The following WSCD2 variants were observed in gnomAD, a reference collection of about 807,000 sequenced individuals.
WSCD2 encodes the protein sialate:O-sulfotransferase 2.
WSCD2 carries 28 observed loss-of-function variants against 55.7 expected under a neutral mutation model. The observed-to-expected ratio is 0.50, with a 90% confidence interval of 0.37 to 0.69. The LOEUF (loss-of-function observed/expected upper bound fraction) is 0.69, where lower values mean the gene tolerates loss of function less well. Ranked by LOEUF, WSCD2 falls within the 30% of genes least tolerant of loss-of-function variation. The pLI is 0.00. For missense variants in WSCD2, 616 were observed against 762.1 expected, an observed-to-expected ratio of 0.81 and a Z score of 2.26; for synonymous variants, 301 against 301.9, an observed-to-expected ratio of 1.00 and a Z score of 0.03.
chr12:108,170,662 T>C (rs1181077196), intron 1 of WSCD2, among the ~76,000 whole-genome samples: 1 of 152,188 alleles, frequency 6.6e-6, no homozygotes. Context: ...AAATAGCAGT[T>C]CTGGGTAACA....
At position 108,248,134 on chromosome 12, in the gene WSCD2, C is replaced by T; in HGVS notation, c.1489C>T (p.Leu497=). Residue 497 remains leucine (L), a synonymous_variant, in exon 9 of 9, where the codon CTG becomes TTG. Transcript: ENST00000547525. This position sits in a 1 kb window ranked among gnomAD's most constrained non-coding sequence, Gnocchi z 4.3. ...LFVQLGRMVS[L]LGVAVREDRL... Reference sequence around the variant, plus strand: ...TGTCCAGCTGGGCCGGATGGTCAGCCTGCTGGGCGTGGCTGTCAGGGAGGA... The same window carrying T: ...TGTCCAGCTGGGCCGGATGGTCAGCTTGCTGGGCGTGGCTGTCAGGGAGGA... 1 of 1,614,220 alleles carries T rather than the reference C, an allele frequency of 6.2e-7. No individual in the cohort carries two copies. The highest frequency in any genetic ancestry group is 1.1e-5 in the South Asian group (1 of 91,082).
At chr12:108,174,346 C>A (rs963522576) in intron 1 of WSCD2, among the ~76,000 whole-genome samples, 9 of 152,178 alleles carry the variant, frequency 5.9e-5, no homozygotes, top group African/African-American at 2.2e-4. Flanking sequence ...CATTTCCAGG[C>A]TTAAATCCCA....
At chr12:108,157,430 G>A (rs913223109) in intron 1 of WSCD2, among the ~76,000 whole-genome samples, 6 of 152,120 alleles carry the variant, frequency 3.9e-5, no homozygotes, top group Non-Finnish European at 8.8e-5. Flanking sequence ...CCATTACAGT[G>A]TCCTACAGAA....
intron 7 of WSCD2, among the ~76,000 whole-genome samples, chr12:108,239,825 C>T (rs566597704): frequency 2.0e-5 from 3 of 152,188 alleles, no homozygotes; most frequent in East Asian, 1.9e-4. Context: ...GCAATCCTCC[C>T]GCTTCAGCCC....
At chr12:108,141,700 G>A (rs1035821160) in intron 1 of WSCD2, among the ~76,000 whole-genome samples, 1 of 152,132 alleles carries the variant, frequency 6.6e-6, no homozygotes, top group Non-Finnish European at 1.5e-5. Context: ...AGTCACATCT[G>A]CAAAGTTTCT....
At chr12:108,247,086 A>AAACTTAGT (rs1416257205) in intron 8 of WSCD2, among the ~76,000 whole-genome samples, 4 of 152,184 alleles carry the variant, frequency 2.6e-5, no homozygotes, top group Non-Finnish European at 5.9e-5. Flanking sequence ...CTACACAGAA[A>AAACTTAGT]AACTTAGTAC....
intron 6 of WSCD2, 148 bp from the exon 7 acceptor site, chr12:108,232,583 A>G (rs1037566792): frequency 2.7e-5 from 19 of 704,550 alleles, no homozygotes; most frequent in Middle Eastern, 3.8e-4. Flanking sequence ...CTGAGGCCCA[A>G]GGAAGCTTTC....
chr12:108,183,271 C>G (rs925522014), intron 1 of WSCD2, among the ~76,000 whole-genome samples: 9 of 152,202 alleles, frequency 5.9e-5, no homozygotes, highest in Admixed American at 2.0e-4. Context: ...CCAAGACTAA[C>G]CATGTATCTC....
intron 1 of WSCD2, among the ~76,000 whole-genome samples, chr12:108,172,244 C>T (rs916444990): frequency 7.9e-5 from 12 of 152,156 alleles, no homozygotes; most frequent in Non-Finnish European, 1.3e-4. Context: ...CTAGGTCCTG[C>T]CAGGGTCTGT....
intron 3 of WSCD2, among the ~76,000 whole-genome samples, chr12:108,208,796 T>C (rs1426357): frequency 0.75 from 114,397 of 152,148 alleles, 43,231 homozygotes; most frequent in East Asian, 0.87. Context: ...ACATTCATTC[T>C]ATGAATGTGT....
intron 1 of WSCD2, among the ~76,000 whole-genome samples, chr12:108,173,810 C>CTCTCTGTGTGTGTGTGTGTGTG (rs376999073): frequency 2.3e-4 from 30 of 131,232 alleles, no homozygotes; most frequent in African/African-American, 8.2e-4. Context: ...TCCTGGCTCT[C>CTCTCTGTGTGTGTGTGTGTGTG]TGTGTGTGTG....
At chr12:108,232,026 G>A (rs2137192861) in intron 6 of WSCD2, among the ~76,000 whole-genome samples, 1 of 152,306 alleles carries the variant, frequency 6.6e-6, no homozygotes, top group Middle Eastern at 3.4e-3. Context: ...AGAGGGAACA[G>A]CATGCATGAA....
intron 4 of WSCD2, among the ~76,000 whole-genome samples, chr12:108,214,191 C>T (rs920578731): frequency 3.9e-5 from 6 of 152,174 alleles, no homozygotes; most frequent in Non-Finnish European, 7.3e-5. Flanking sequence ...AACACTGTGT[C>T]CTAATTGTGT....
chr12:108,247,221 G>A (rs140756656), intron 8 of WSCD2, among the ~76,000 whole-genome samples: 103 of 151,956 alleles, frequency 6.8e-4, no homozygotes, highest in Non-Finnish European at 1.1e-3. Flanking sequence ...TCTGTTAAAT[G>A]GAGATAATGG....
chr12:108,201,460 G>A lies in WSCD2; in HGVS notation c.383-4829G>A, dbSNP rs189668218. ...TGCCATGACCCTATTTCCAAATAAG[G>A]CCACATTCTAAGGAATTGGAAGTCA... On this transcript the variant is annotated intron_variant, in intron 2 of 8. Coordinates refer to ENST00000547525, the MANE Select transcript of WSCD2 (RefSeq NM_014653.4). 7.8e-5 allele frequency among the ~76,000 whole-genome samples: 11 copies of A among 140,780 alleles called. No homozygotes were observed. The East Asian group carries it at 2.6e-3, about 33-fold the overall frequency. The allele number at this position is 140,780 out of a possible 152,430, so 92.4% of individuals were successfully genotyped here.
chr12:108,190,180 C>T (rs1410222869), intron 1 of WSCD2, among the ~76,000 whole-genome samples: 1 of 152,200 alleles, frequency 6.6e-6, no homozygotes, highest in Non-Finnish European at 1.5e-5. Context: ...AATAAGATGA[C>T]TGGCATATAG....
intron 7 of WSCD2, among the ~76,000 whole-genome samples, chr12:108,236,565 T>C (rs942458224): frequency 4.0e-5 from 6 of 149,150 alleles, no homozygotes; most frequent in African/African-American, 1.5e-4. Context: ...TCTGGCGCTC[T>C]TTCTCTCTCT....
chr12:108,213,540 G>A (rs997001187), intron 4 of WSCD2, among the ~76,000 whole-genome samples: 1 of 152,172 alleles, frequency 6.6e-6, no homozygotes, highest in African/African-American at 2.4e-5. Flanking sequence ...CACTGGGGGA[G>A]GCTCCACAAA....
chr12:108,213,688 C>T (rs1886494849), intron 4 of WSCD2, among the ~76,000 whole-genome samples: 1 of 152,120 alleles, frequency 6.6e-6, no homozygotes, highest in African/African-American at 2.4e-5. Flanking sequence ...TAAAAGAGTG[C>T]ACAAAAGCCT....
Sources: allele counts gnomAD v4.1 joint callset (sites outside exome capture counted in the v4.1 genomes callset), GRCh38; gene constraint gnomAD v4.1.1; non-coding constraint Gnocchi (gnomAD v3.1); transcripts MANE v1.5; gene names NCBI Gene and HGNC (gene_info 2026-07-23, HGNC 2026-07-21).